Variants in DTD1 observed in about 807,000 individuals in gnomAD.
DTD1 encodes the protein D-aminoacyl-tRNA deacylase 1, also known as D-tyrosyl-tRNA deacylase 1 homolog.
Under a neutral mutation model 25.6 loss-of-function variants are expected in DTD1, and 13 were observed. The ratio of observed to expected loss-of-function variants is 0.51; its 90% CI spans 0.33 to 0.81. DTD1 has a LOEUF of 0.81. Ranked by LOEUF, DTD1 falls within the 30% of genes least tolerant of loss-of-function variation. The probability of loss-of-function intolerance (pLI) is 0.02; values close to 1 mark genes in which losing one functional copy is unlikely to be tolerated. For synonymous variants in DTD1, 110 were observed against 103.6 expected, an observed-to-expected ratio of 1.06 and a Z score of -0.37; for missense variants, 193 against 266.4, an observed-to-expected ratio of 0.72 and a Z score of 1.92.
At chr20:18,739,356 T>TC (rs2061268465) in intron 4 of DTD1, among the ~76,000 whole-genome samples, 2 of 152,148 alleles carry the variant, frequency 1.3e-5, no homozygotes, top group Admixed American at 6.5e-5. Flanking sequence ...CATATTCCAG[T>TC]CCCCCCTCTT....
rs987693077 is a variant in DTD1, at chr20:18,598,805, G to A, written c.370+2564G>A. On this transcript the variant is annotated intron_variant, in intron 3 of 5. Transcript: ENST00000377452. The stretch of plus-strand genomic sequence containing the variant: ...ATTACAGGTGTGAGCCACCGCGCCC[G>A]GCCAGTAATGGTAATTTTTAGTGCC... 3.3e-5 allele frequency among the ~76,000 whole-genome samples: 5 copies of A among 151,714 alleles called. No homozygotes were observed. In the South Asian group the frequency reaches 8.3e-4, roughly 25 times the overall value.
At chr20:18,678,021 G>A (rs1181130857) in intron 4 of DTD1, among the ~76,000 whole-genome samples, 9 of 152,180 alleles carry the variant, frequency 5.9e-5, no homozygotes. Context: ...AGAAATGCAG[G>A]TTTCACTGAG....
At chr20:18,708,221 A>ATATAT (rs2061136466) in intron 4 of DTD1, among the ~76,000 whole-genome samples, 4 of 4,932 alleles carry the variant, frequency 8.1e-4, no homozygotes, top group Admixed American at 4.8e-3. Flanking sequence ...TATATATAAT[A>ATATAT]TATATATATT....
intron 4 of DTD1, among the ~76,000 whole-genome samples, chr20:18,700,619 G>A (rs183700495): frequency 2.3e-4 from 35 of 152,006 alleles, no homozygotes; most frequent in Admixed American, 1.9e-3. Flanking sequence ...CCCGTCACCC[G>A]AGTGGTGTAC....
At chr20:18,668,141 T>C (rs1373736142) in intron 4 of DTD1, among the ~76,000 whole-genome samples, 1 of 152,224 alleles carries the variant, frequency 6.6e-6, no homozygotes, top group African/African-American at 2.4e-5. Context: ...GAACAACATA[T>C]GTTTGTCCAT....
chr20:18,758,111 G>T (rs958676751), intron 5 of DTD1, among the ~76,000 whole-genome samples: 7 of 150,622 alleles, frequency 4.6e-5, no homozygotes, highest in Admixed American at 3.3e-4. Flanking sequence ...TGGCATCTGT[G>T]GTGATATCCC....
intron 5 of DTD1, among the ~76,000 whole-genome samples, chr20:18,761,562 G>T (rs1385007445): frequency 6.6e-6 from 1 of 151,912 alleles, no homozygotes. Context: ...ATTTCCATCT[G>T]CACATCAAAT....
At chr20:18,712,313 C>G (rs2061162460) in intron 4 of DTD1, among the ~76,000 whole-genome samples, 1 of 139,308 alleles carries the variant, frequency 7.2e-6, no homozygotes, top group Non-Finnish European at 1.5e-5. Context: ...TAAACATTAG[C>G]AATTGTGTTT....
At chr20:18,638,570 G>C (rs549689060) in intron 4 of DTD1, among the ~76,000 whole-genome samples, 12 of 152,156 alleles carry the variant, frequency 7.9e-5, no homozygotes, top group Non-Finnish European at 1.5e-4. Flanking sequence ...AGGGTGACTG[G>C]TGGAAGAAAG....
intron 4 of DTD1, among the ~76,000 whole-genome samples, chr20:18,682,121 C>T (rs2061000122): frequency 6.6e-6 from 1 of 152,154 alleles, no homozygotes; most frequent in South Asian, 2.1e-4. Context: ...TGGGCAATCA[C>T]TGTGGATTTT....
intron 4 of DTD1, among the ~76,000 whole-genome samples, chr20:18,652,628 G>A (rs997217163): frequency 2.0e-5 from 3 of 152,178 alleles, no homozygotes; most frequent in South Asian, 4.1e-4. Context: ...TTAGGGGTCT[G>A]GCACCCATAA....
chr20:18,718,539 A>G (rs931192460), intron 4 of DTD1, among the ~76,000 whole-genome samples: 1 of 152,254 alleles, frequency 6.6e-6, no homozygotes, highest in African/African-American at 2.4e-5. Context: ...TGTGTAATAC[A>G]TCTATATTAT....
chr20:18,594,189 G>T (rs181210715), intron 2 of DTD1, among the ~76,000 whole-genome samples: 1 of 152,182 alleles, frequency 6.6e-6, no homozygotes, highest in East Asian at 1.9e-4. Flanking sequence ...CTACTAGCTC[G>T]CTGTGCACAT....
At chr20:18,647,986 G>C (rs1341702557) in intron 4 of DTD1, among the ~76,000 whole-genome samples, 1 of 152,172 alleles carries the variant, frequency 6.6e-6, no homozygotes, top group Non-Finnish European at 1.5e-5. Context: ...GCTTTGAAAA[G>C]ATCTCTTCTG....
chr20:18,755,131 C>A (rs1228265911), intron 5 of DTD1, among the ~76,000 whole-genome samples: 3 of 152,182 alleles, frequency 2.0e-5, no homozygotes, highest in Non-Finnish European at 4.4e-5. Flanking sequence ...ATTCCTAAAT[C>A]ATCTTTCTCA....
intron 3 of DTD1, among the ~76,000 whole-genome samples, chr20:18,610,484 C>T (rs969218279): frequency 1.3e-5 from 2 of 152,162 alleles, no homozygotes; most frequent in African/African-American, 2.4e-5. Context: ...AATTTAAGCT[C>T]ATGGTGTATA....
At chr20:18,607,437 G>T (rs2060664804) in intron 3 of DTD1, among the ~76,000 whole-genome samples, 1 of 152,152 alleles carries the variant, frequency 6.6e-6, no homozygotes, top group African/African-American at 2.4e-5. Flanking sequence ...GGGATTACAG[G>T]CATGAGCCAC....
chr20:18,608,502 C>G (rs1279481657), intron 3 of DTD1, among the ~76,000 whole-genome samples: 1 of 151,996 alleles, frequency 6.6e-6, no homozygotes, highest in Non-Finnish European at 1.5e-5. Flanking sequence ...CATTTAATTG[C>G]TCTTGTTTTT....
At chr20:18,684,714 G>C (rs1235895472) in intron 4 of DTD1, among the ~76,000 whole-genome samples, 1 of 152,084 alleles carries the variant, frequency 6.6e-6, no homozygotes, top group African/African-American at 2.4e-5. Flanking sequence ...TTTGTCCTAT[G>C]ATCTTAGTTT....
Sources: gnomAD v4.1 joint callset for allele counts (sites outside exome capture counted in the v4.1 genomes callset) on GRCh38, gnomAD v4.1.1 for gene constraint, MANE v1.5 for transcripts, NCBI Gene and HGNC (gene_info 2026-07-23, HGNC 2026-07-21) for gene names.